Variants in ZPLD1 observed in about 807,000 individuals in gnomAD.
ZPLD1 encodes the protein zona pellucida-like domain-containing protein 1.
In ZPLD1, 34 loss-of-function variants were observed where a neutral mutation model predicts 47.2. The ratio of observed to expected loss-of-function variants is 0.72; its 90% CI spans 0.55 to 0.96. The LOEUF (loss-of-function observed/expected upper bound fraction) is 0.96. Ranked by LOEUF, ZPLD1 falls within the 40% of genes least tolerant of loss-of-function variation. The probability of loss-of-function intolerance (pLI) is 0.00; values close to 1 mark genes in which losing one functional copy is unlikely to be tolerated. For missense variants in ZPLD1, 512 were observed against 505.8 expected (o/e 1.01, Z -0.12); for synonymous variants, 176 against 186.2 (o/e 0.95, Z 0.45).
chr3:102,450,726 C>G (rs1707325414), intron 3 of ZPLD1, among the ~76,000 whole-genome samples: 1 of 151,996 alleles, frequency 6.6e-6, no homozygotes, highest in African/African-American at 2.4e-5. Context: ...GGTTCCTGGA[C>G]TAGTACAATA....
intron 7 of ZPLD1, among the ~76,000 whole-genome samples, chr3:102,398,864 T>G (rs1053656401): frequency 1.3e-5 from 2 of 150,804 alleles, no homozygotes; most frequent in Admixed American, 1.3e-4. Context: ...GCTTGTGCTT[T>G]TATGCGTGCG....
At position 102,464,265 on chromosome 3, in the gene ZPLD1, GT is replaced by G; in HGVS notation, c.761+15del. ...TCTTTTCCTTAGGTAAGACTTAGCT[GT>G]CTAAGTATTATATTGATACCAATGA... On this transcript the variant is annotated intron_variant, in intron 8 of 11. Coordinates refer to ENST00000466937, the MANE Select transcript of ZPLD1 (RefSeq NM_001329788.2). 6.4e-7 allele frequency: 1 copy of G among 1,571,724 alleles called. No homozygotes were observed. Among genetic ancestry groups the G allele is most frequent in the Non-Finnish European group, 8.8e-7 (1 of 1,141,880 alleles).
upstream of ZPLD1, among the ~76,000 whole-genome samples, chr3:102,433,308 G>A (rs1035757151): frequency 2.6e-5 from 4 of 152,100 alleles, no homozygotes; most frequent in African/African-American, 7.2e-5. Context: ...TCATTGCTCC[G>A]GGCGTGAATC....
intron 8 of ZPLD1, among the ~76,000 whole-genome samples, chr3:102,425,859 C>A (rs1480682325): frequency 6.7e-6 from 1 of 150,266 alleles, no homozygotes; most frequent in Non-Finnish European, 1.5e-5. Context: ...TACTTCTATG[C>A]CTTAAGCCTA....
At chr3:102,408,221 C>T (rs1006465419) in intron 7 of ZPLD1, among the ~76,000 whole-genome samples, 1 of 151,702 alleles carries the variant, frequency 6.6e-6, no homozygotes, top group Admixed American at 6.6e-5. Context: ...AAACCTATTA[C>T]CCTTCTAGAC....
intron 8 of ZPLD1, 94 bp downstream of exon 8, chr3:102,464,345 CTA>C: frequency 1.2e-6 from 1 of 814,696 alleles, no homozygotes; most frequent in South Asian, 2.1e-5. Context: ...TTATAAAGCA[CTA>C]TTATAGCTTT....
At chr3:102,387,760 A>G (rs1706446807) in intron 6 of ZPLD1, among the ~76,000 whole-genome samples, 1 of 151,970 alleles carries the variant, frequency 6.6e-6, no homozygotes, top group African/African-American at 2.4e-5. Flanking sequence ...TTTTACAATA[A>G]AGTGTCTAGT....
At chr3:102,441,157 T>G (rs1707171052) in intron 3 of ZPLD1, among the ~76,000 whole-genome samples, 1 of 152,110 alleles carries the variant, frequency 6.6e-6, no homozygotes, top group South Asian at 2.1e-4. Flanking sequence ...AGTAATAAAA[T>G]GATTGCTCAA....
chr3:102,387,850 CTTTTTTTTTT>C (rs1023132648), intron 6 of ZPLD1, among the ~76,000 whole-genome samples: 1 of 80,632 alleles, frequency 1.2e-5, no homozygotes, highest in African/African-American at 4.9e-5. Context: ...CTGAGAAATT[CTTTTTTTTTT>C]TTTTTTTTTT....
intron 6 of ZPLD1, among the ~76,000 whole-genome samples, chr3:102,390,404 C>T (rs544420723): frequency 3.3e-5 from 5 of 152,228 alleles, no homozygotes; most frequent in South Asian, 4.1e-4. Context: ...CTTCTATCTG[C>T]GTTCACAAGA....
intron 7 of ZPLD1, among the ~76,000 whole-genome samples, chr3:102,395,254 A>G (rs192940517): frequency 2.0e-5 from 3 of 152,142 alleles, no homozygotes; most frequent in Non-Finnish European, 2.9e-5. Flanking sequence ...TACCAAATAT[A>G]TATATATACA....
At chr3:102,419,072 G>C (rs1281294227) in intron 8 of ZPLD1, among the ~76,000 whole-genome samples, 1 of 151,880 alleles carries the variant, frequency 6.6e-6, no homozygotes, top group African/African-American at 2.4e-5. Context: ...CTTTGAATTG[G>C]ATTCTTATAA....
rs374641646 is a variant in ZPLD1, at chr3:102,472,531, CAAA to C, written c.1042+2044_1042+2046del. 7.6e-3 allele frequency among the ~76,000 whole-genome samples: 652 copies of C among 85,404 alleles called. 3 individuals carry two copies. Among genetic ancestry groups the C allele is most frequent in the African/African-American group, 0.03 (606 of 20,250 alleles). 56.0% of individuals were successfully genotyped at this position (85,404 alleles called of 152,430 possible). A position where few individuals can be genotyped will look rare whatever the true frequency, so the allele number is the denominator to read the frequency against. On this transcript the variant is annotated intron_variant, in intron 10 of 11. Coordinates refer to ENST00000466937, the MANE Select transcript of ZPLD1 (RefSeq NM_001329788.2). ...TGGCTGACAGAGTGAGACTCTGTCT[CAAA>C]AAAAAAAAAAAAAAGACTGGTTTGT...
At chr3:102,402,764 T>G (rs1380862564) in intron 7 of ZPLD1, among the ~76,000 whole-genome samples, 1 of 152,008 alleles carries the variant, frequency 6.6e-6, no homozygotes, top group East Asian at 1.9e-4. Context: ...AGCTGTTTCC[T>G]TCAGGTAGGG....
At chr3:102,403,730 A>G (rs957138793) in intron 7 of ZPLD1, among the ~76,000 whole-genome samples, 1 of 151,892 alleles carries the variant, frequency 6.6e-6, no homozygotes, top group Non-Finnish European at 1.5e-5. Context: ...TCACATAGGT[A>G]TGGTTGAGTG....
At chr3:102,452,877 C>A (rs745374721) in intron 3 of ZPLD1, 42 bp from the exon 4 acceptor site, 2 of 1,595,886 alleles carry the variant, frequency 1.3e-6, no homozygotes, top group Non-Finnish European at 1.7e-6. Context: ...TATCTTTCTG[C>A]TTTTCTGACT....
At chr3:102,458,994 G>A (rs373471235) in intron 6 of ZPLD1, among the ~76,000 whole-genome samples, 129 of 150,420 alleles carry the variant, frequency 8.6e-4, no homozygotes, top group African/African-American at 3.1e-3. Flanking sequence ...GGAGGCTGAG[G>A]CAGGAGAATG....
At chr3:102,388,093 C>T (rs1191736297) in intron 6 of ZPLD1, among the ~76,000 whole-genome samples, 1 of 152,046 alleles carries the variant, frequency 6.6e-6, no homozygotes, top group Non-Finnish European at 1.5e-5. Flanking sequence ...ATTTCCTGAC[C>T]TCGTGATCCG....
chr3:102,465,610 T>C (rs1299002673), intron 8 of ZPLD1, among the ~76,000 whole-genome samples: 2 of 152,176 alleles, frequency 1.3e-5, no homozygotes, highest in Non-Finnish European at 2.9e-5. Context: ...CAAACTTCTA[T>C]AATCCTCATA....
Sources: gnomAD v4.1 joint callset for allele counts (sites outside exome capture counted in the v4.1 genomes callset) on GRCh38, gnomAD v4.1.1 for gene constraint, MANE v1.5 for transcripts, NCBI Gene and HGNC (gene_info 2026-07-23, HGNC 2026-07-21) for gene names.